The following TUBB3 variants were observed in gnomAD, a reference collection of about 807,000 sequenced individuals.
TUBB3 encodes tubulin beta-3 chain.
A neutral mutation model predicts 37.8 loss-of-function variants in TUBB3; 17 were observed. The observed-to-expected ratio is 0.45, with a 90% CI of 0.31 to 0.67. The LOEUF is 0.67. Ranked by LOEUF, TUBB3 falls within the 30% of genes least tolerant of loss-of-function variation. TUBB3 has a pLI of 0.07. For synonymous variants in TUBB3, 332 were observed against 278.9 expected (o/e 1.19, Z -1.90); for missense variants, 262 against 657.9 (o/e 0.40, Z 6.58).
chr16:89,932,968 C>T, intron 2 of TUBB3: 2 of 527,446 alleles, frequency 3.8e-6, no homozygotes, highest in Admixed American at 3.1e-5. Context: ...ACTTTGGAGG[C>T]CATAAGAGGG....
chr16:89,929,053 C>G (rs930453531), intron 1 of TUBB3, among the ~76,000 whole-genome samples: 1 of 151,762 alleles, frequency 6.6e-6, no homozygotes, highest in African/African-American at 2.4e-5. Flanking sequence ...ACCTCTGCCC[C>G]CTGGGTTCAA....
chr16:89,931,405 G>A (rs979975397), intron 1 of TUBB3, among the ~76,000 whole-genome samples: 1 of 152,226 alleles, frequency 6.6e-6, no homozygotes, highest in African/African-American at 2.4e-5. Flanking sequence ...GGGGCATTGG[G>A]AGAGGTCAGG....
rs1375330986 is a variant in TUBB3, at chr16:89,923,392, C to T, written c.-10C>T. On this transcript the variant is annotated 5_prime_UTR_variant, in exon 1 of 4. The change creates a new upstream start codon in the 5' untranslated region. Transcript: ENST00000315491. ...CGCCCGTCCGCAGCCGCCCGCCAGA[C>T]GCGCCCAGTATGAGGGAGATCGTGC... 2.7e-6 allele frequency: 4 copies of T among 1,481,982 alleles called. No homozygotes were observed. The highest frequency in any genetic ancestry group is 2.5e-5 in the South Asian group (2 of 78,676). 91.8% of individuals were successfully genotyped at this position (1,481,982 alleles called of 1,614,324 possible).
upstream of TUBB3, chr16:89,922,395 A>G (rs1214920817): frequency 6.6e-6 from 1 of 152,448 alleles, no homozygotes; most frequent in Non-Finnish European, 1.5e-5. Context: ...GTGGCACTGT[A>G]ATATCTGGCC....
At chr16:89,922,326 C>G (rs1480073001), upstream of TUBB3, 1 of 152,334 alleles carries the variant, frequency 6.6e-6, no homozygotes, top group African/African-American at 2.4e-5. Flanking sequence ...CGTGCACTGT[C>G]AGACCCTTCC....
In TUBB3 at chr16:89,935,390, G is replaced by A; in HGVS notation, c.939G>A (p.Val313=). Residue 313 remains valine, a synonymous_variant, in exon 4 of 4, where the codon GTG becomes GTA. Coordinates refer to ENST00000315491, the MANE Select transcript of TUBB3 (RefSeq NM_006086.4). The part of the protein sequence containing the change: ...CDPRHGRYLT[V]ATVFRGRMSM... ...CGCGCCACGGCCGCTACCTGACGGT[G>A]GCCACCGTGTTCCGGGGCCGCATGT... 1 of 1,614,110 alleles carries A rather than the reference G, an allele frequency of 6.2e-7. No individual in the cohort carries two copies. Among genetic ancestry groups the A allele is most frequent in the Non-Finnish European group, 8.5e-7 (1 of 1,180,030 alleles).
intron 1 of TUBB3, among the ~76,000 whole-genome samples, chr16:89,928,802 A>T (rs1390702359): frequency 2.6e-5 from 4 of 151,850 alleles, no homozygotes; most frequent in African/African-American, 9.7e-5. Context: ...AGGACCACAG[A>T]CAGGCGTGAG....
chr16:89,922,205 A>G (rs948522931), upstream of TUBB3: 1 of 152,366 alleles, frequency 6.6e-6, no homozygotes, highest in African/African-American at 2.4e-5. Context: ...CGCCACCCAC[A>G]CACAGCCCTG....
In TUBB3 at chr16:89,934,802, G is replaced by C; in HGVS notation, c.351G>C (p.Leu117=). 6.2e-7 allele frequency: 1 copy of C among 1,614,174 alleles called. No individual in the cohort carries two copies. Among genetic ancestry groups the C allele is most frequent in the Non-Finnish European group, 8.5e-7 (1 of 1,180,024 alleles). ...TEGAELVDSV[L]DVVRKECENC... ...GGGCGGAGCTGGTGGATTCGGTCCT[G>C]GATGTGGTGCGGAAGGAGTGTGAAA... is the stretch of plus-strand genomic sequence containing the variant. Residue 117 remains leucine, a synonymous_variant, in exon 4 of 4, where the codon CTG becomes CTC. Coordinates refer to ENST00000315491, the MANE Select transcript of TUBB3 (RefSeq NM_006086.4).
In TUBB3 at chr16:89,935,754, G is replaced by A. The variant is rs750288232; in HGVS notation, c.1303G>A (p.Glu435Lys). ...GGACGCCACGGCCGAGGAAGAGGGC[G>A]AGATGTACGAAGACGACGAGGAGGA... ...YQDATAEEEG[E>K]MYEDDEEESE... The change falls in exon 4 of 4, where the codon GAG becomes AAG. Residue 435 changes from glutamate to lysine, a missense_variant. Coordinates refer to ENST00000315491, the MANE Select transcript of TUBB3 (RefSeq NM_006086.4). The A allele has an allele frequency of 5.6e-6, 9 of 1,613,846 alleles. No individual in the cohort carries two copies. Among genetic ancestry groups the A allele is most frequent in the South Asian group, 2.2e-5 (2 of 91,086 alleles).
intron 1 of TUBB3, among the ~76,000 whole-genome samples, chr16:89,927,994 C>A (rs1047886527): frequency 2.6e-5 from 4 of 152,196 alleles, no homozygotes; most frequent in Admixed American, 2.0e-4. Flanking sequence ...AATGGGGGAT[C>A]CTCAAAGAGA....
chr16:89,924,856 C>T (rs1370667266), intron 1 of TUBB3, among the ~76,000 whole-genome samples: 1 of 151,892 alleles, frequency 6.6e-6, no homozygotes, highest in South Asian at 2.1e-4. Context: ...CTGCCTTGGC[C>T]TGATGGGAGG....
chr16:89,926,219 C>T (rs1050827619), intron 1 of TUBB3, among the ~76,000 whole-genome samples: 21 of 152,106 alleles, frequency 1.4e-4, no homozygotes, highest in Admixed American at 9.8e-4. Context: ...GAGCCTTTGT[C>T]CTCCGCGCGG....
chr16:89,926,262 G>A (rs951455559), intron 1 of TUBB3, among the ~76,000 whole-genome samples: 2 of 152,176 alleles, frequency 1.3e-5, no homozygotes, highest in African/African-American at 4.8e-5. Flanking sequence ...GCTGCGGGGC[G>A]GGGCTGGGGG....
intron 1 of TUBB3, among the ~76,000 whole-genome samples, chr16:89,926,929 C>G (rs2030109888): frequency 6.6e-6 from 1 of 151,348 alleles, no homozygotes; most frequent in African/African-American, 2.4e-5. Flanking sequence ...CTTGGTCAGG[C>G]TGGTCTCAAA....
upstream of TUBB3, chr16:89,922,207 A>G (rs2029906852): frequency 2.6e-5 from 4 of 152,362 alleles, no homozygotes; most frequent in Admixed American, 6.5e-5. Flanking sequence ...CCACCCACAC[A>G]CAGCCCTGTG....
intron 3 of TUBB3, chr16:89,933,831 G>A: frequency 1.4e-6 from 1 of 698,912 alleles, no homozygotes; most frequent in South Asian, 1.5e-5. Context: ...AGAATTGCTA[G>A]AGAGCTGGTG....
chr16:89,931,291 G>A (rs2030269736), intron 1 of TUBB3, among the ~76,000 whole-genome samples: 2 of 152,154 alleles, frequency 1.3e-5, no homozygotes, highest in South Asian at 4.1e-4. Context: ...CTTTTTTCTT[G>A]AGGAATCTTC....
chr16:89,927,777 C>G (rs575273798), intron 1 of TUBB3, among the ~76,000 whole-genome samples: 2 of 152,228 alleles, frequency 1.3e-5, no homozygotes, highest in African/African-American at 4.8e-5. Flanking sequence ...CAGCTGTGCT[C>G]GTGCTGGGTC....
Sources: allele counts gnomAD v4.1 joint callset (sites outside exome capture counted in the v4.1 genomes callset), GRCh38; gene constraint gnomAD v4.1.1; transcripts MANE v1.5; gene names NCBI Gene and HGNC (gene_info 2026-07-23, HGNC 2026-07-21).